The following TMEM39A variants were observed in gnomAD, a reference collection of about 807,000 sequenced individuals.
TMEM39A encodes suppressor of SQST-1 aggregates in rpl-43 mutants.
TMEM39A carries 19 observed loss-of-function variants against 51.9 expected under a neutral mutation model. The observed-to-expected ratio is 0.37, with a 90% CI of 0.26 to 0.54. TMEM39A has a LOEUF of 0.54. TMEM39A is among the 20% of genes least tolerant of loss of function. TMEM39A has a pLI of 0.88. For missense variants in TMEM39A, 433 were observed against 590.5 expected (o/e 0.73, Z 2.76); for synonymous variants, 197 against 220.2 (o/e 0.89, Z 0.93).
chr3:119,459,857 C>T (rs1200420823), intron 2 of TMEM39A, among the ~76,000 whole-genome samples: 2 of 152,092 alleles, frequency 1.3e-5, no homozygotes, highest in African/African-American at 2.4e-5. Context: ...ATCTATTTCC[C>T]TCCAATACTC....
chr3:119,458,243 G>A lies in TMEM39A; in HGVS notation c.114-3C>T. ...GAAGGCCAATAGCACTACCATTCCT[G>A]AAAGAGAAAACTATGGTTAACTCAA... On this transcript the variant is annotated splice_polypyrimidine_tract_variant and splice_region_variant and intron_variant, in intron 2 of 8. Coordinates refer to ENST00000319172, the MANE Select transcript of TMEM39A (RefSeq NM_018266.3). The A allele has an allele frequency of 6.2e-7, 1 of 1,613,370 alleles. No individual in the cohort carries two copies. The highest frequency in any genetic ancestry group is 1.1e-5 in the South Asian group (1 of 91,006).
rs1356504797 is a variant in TMEM39A, at chr3:119,429,565, C to T, written c.*2416G>A. The stretch of plus-strand genomic sequence containing the variant: ...ACTATCAGTGAGCAAATATAGTGTC[C>T]CTTCTGTTACATGAACTATAATAGG... On this transcript the variant is annotated 3_prime_UTR_variant, in exon 9 of 9. Transcript: ENST00000319172. 2 of 152,018 alleles carry T rather than the reference C, an allele frequency of 1.3e-5. No individual in the cohort carries two copies. Among genetic ancestry groups the T allele is most frequent in the Admixed American group, 6.6e-5 (1 of 15,244 alleles). The allele number at this position is 152,018 out of a possible 1,614,324, so 9.4% of individuals were successfully genotyped here.
chr3:119,442,728 C>T (rs9860775), intron 5 of TMEM39A, among the ~76,000 whole-genome samples: 7,594 of 152,054 alleles, frequency 0.05, 237 homozygotes, highest in Non-Finnish European at 0.067. Context: ...AGAAAGTAAC[C>T]GCAAATGTGG....
rs1043064701 is a variant in TMEM39A at position 119,437,905 on chromosome 3, G to A, written c.774C>T (p.Ile258=). 6.2e-7 allele frequency: 1 copy of A among 1,613,706 alleles called. No homozygotes were observed. Among genetic ancestry groups the A allele is most frequent in the Non-Finnish European group, 8.5e-7 (1 of 1,179,772 alleles). ...GAGATAGGGGACAACTGTGGGTGGG[G>A]ATGGGTGTGGCATTATTAAACTGTT... ...LKEQFNNATP[I]PTHSCPLSPD... Residue 258 remains isoleucine (I), a synonymous_variant, in exon 6 of 9, where the codon ATC becomes ATT. Coordinates refer to ENST00000319172, the MANE Select transcript of TMEM39A (RefSeq NM_018266.3).
At chr3:119,435,059 C>CT (rs2080950419) in intron 7 of TMEM39A, 177 bp from the exon 8 acceptor site, 13 of 972,320 alleles carry the variant, frequency 1.3e-5, no homozygotes, top group Non-Finnish European at 1.6e-5. Context: ...GGATTTGTTA[C>CT]TTTAACTTCA....
At chr3:119,449,597 G>A (rs1342839782) in intron 4 of TMEM39A, among the ~76,000 whole-genome samples, 1 of 152,024 alleles carries the variant, frequency 6.6e-6, no homozygotes, top group Non-Finnish European at 1.5e-5. Context: ...TTTACAGCCT[G>A]GGCGACAAGA....
rs199707795 is a variant in TMEM39A, at chr3:119,437,982, C to G, written c.697G>C (p.Gly233Arg). ...AGAAAGTCTTTGGATTTGGCCAAGC[C>G]TCCCACAGTCGAGGCACTTTCCTCT... ...AVEESASTVG[G>R]LAKSKDFLSL... is the part of the protein sequence containing the mutation. Residue 233 changes from glycine (G) to arginine (R), a missense_variant, in exon 6 of 9, where the codon GGC becomes CGC. Transcript: ENST00000319172. The G allele has an allele frequency of 1.9e-6, 3 of 1,614,004 alleles. No homozygotes were observed.
chr3:119,443,040 T>C (rs947154239), intron 5 of TMEM39A, among the ~76,000 whole-genome samples: 4 of 122,606 alleles, frequency 3.3e-5, no homozygotes, highest in Non-Finnish European at 6.4e-5. Flanking sequence ...CACTCCAACC[T>C]GGGCGACAGT....
chr3:119,437,153 G>C (rs765874883), intron 6 of TMEM39A, among the ~76,000 whole-genome samples, 175 bp from the exon 7 acceptor site: 1 of 152,134 alleles, frequency 6.6e-6, no homozygotes, highest in Admixed American at 6.5e-5. Context: ...CCTTCAACCT[G>C]ACTTTCTGGC....
chr3:119,451,216 TTTTGGTTAAC>T, intron 4 of TMEM39A: 14 of 1,272,994 alleles, frequency 1.1e-5, no homozygotes, highest in Non-Finnish European at 1.4e-5. Context: ...TACCTGTGCT[TTTTGGTTAAC>T]TTCAAATGGT....
intron 8 of TMEM39A, 34 bp from the exon 9 acceptor site, chr3:119,432,248 C>A: frequency 6.8e-7 from 1 of 1,464,894 alleles, no homozygotes; most frequent in South Asian, 1.2e-5. Flanking sequence ...AACATTATTT[C>A]ATAGAAAAGT....
chr3:119,437,697 A>T, intron 6 of TMEM39A, 58 bp downstream of exon 6: 7 of 1,339,962 alleles, frequency 5.2e-6, no homozygotes, highest in Non-Finnish European at 7.2e-6. Context: ...AGAAATACCC[A>T]GTTTATGTAA....
chr3:119,429,463 T>G lies in TMEM39A; in HGVS notation c.*2518A>C, dbSNP rs1026078757. On this transcript the variant is annotated 3_prime_UTR_variant, in exon 9 of 9. Coordinates refer to ENST00000319172, the MANE Select transcript of TMEM39A (RefSeq NM_018266.3). ...ACCCAACTGAACTTTTGCTATACCATGCTTTCCACAAACAATTTTAACTTG... is the reference window on the plus strand; with the variant it reads ...ACCCAACTGAACTTTTGCTATACCAGGCTTTCCACAAACAATTTTAACTTG... 3.3e-5 allele frequency: 5 copies of G among 152,096 alleles called. No individual in the cohort carries two copies. The highest frequency in any genetic ancestry group is 7.4e-5 in the Non-Finnish European group (5 of 67,982). The allele number at this position is 152,096 out of a possible 1,614,324, so 9.4% of individuals were successfully genotyped here.
chr3:119,430,350 C>T lies in TMEM39A; in HGVS notation c.*1631G>A, dbSNP rs758676337. On this transcript the variant is annotated 3_prime_UTR_variant, in exon 9 of 9. Transcript: ENST00000319172. ...CCTTCTAGCAGTGCTATTCTTACCA[C>T]TATTTCCTTGTCCTGATTTCCCTTT... 7.2e-5 allele frequency: 11 copies of T among 152,106 alleles called. No homozygotes were observed. Among genetic ancestry groups the T allele is most frequent in the Non-Finnish European group, 1.5e-4 (10 of 67,980 alleles). 9.4% of individuals were successfully genotyped at this position (152,106 alleles called of 1,614,324 possible). A position where few individuals can be genotyped will look rare whatever the true frequency, so the allele number is the denominator to read the frequency against.
At chr3:119,446,458 G>A (rs2081126216) in intron 5 of TMEM39A, among the ~76,000 whole-genome samples, 1 of 152,196 alleles carries the variant, frequency 6.6e-6, no homozygotes, top group African/African-American at 2.4e-5. Flanking sequence ...ATGGGATGGC[G>A]AGAAATTTCA....
rs771039013 is a variant in TMEM39A, at chr3:119,437,791, G to A, written c.888C>T (p.Ala296=). ...KEVLFNSLFS[A]YYVAFLPLCF... ...ACAGGGGGAGAAATGCAACATAGTA[G>A]GCACTGAAGAGGGAGTTGAAGAGAA... Residue 296 remains alanine (A), a synonymous_variant, in exon 6 of 9, where the codon GCC becomes GCT. Transcript: ENST00000319172. 10 of 1,580,852 alleles carry A rather than the reference G, an allele frequency of 6.3e-6. No individual in the cohort carries two copies. In the African/African-American group the frequency reaches 9.4e-5, roughly 15 times the overall value.
chr3:119,437,919 T>C lies in TMEM39A; in HGVS notation c.760A>G (p.Asn254Asp). 6.2e-7 allele frequency: 1 copy of C among 1,614,064 alleles called. No homozygotes were observed. Among genetic ancestry groups the C allele is most frequent in the Non-Finnish European group, 8.5e-7 (1 of 1,179,994 alleles). Residue 254 changes from asparagine to aspartate, a missense_variant, in exon 6 of 9, where the codon AAT (asparagine) becomes GAT (aspartate). Around this residue, in one of 3 missense-constraint regions of TMEM39A, gnomAD observed 223 missense variants for 328.1 expected, o/e 0.68. Coordinates refer to ENST00000319172, the MANE Select transcript of TMEM39A (RefSeq NM_018266.3). ...CTGTGGGTGGGGATGGGTGTGGCAT[T>C]ATTAAACTGTTCTTTTAGCGACTCC... ...LLESLKEQFN[N>D]ATPIPTHSCP...
intron 5 of TMEM39A, among the ~76,000 whole-genome samples, chr3:119,445,606 G>C (rs550044661): frequency 1.3e-5 from 2 of 152,176 alleles, no homozygotes; most frequent in Non-Finnish European, 2.9e-5. Flanking sequence ...AGAAAAAAAA[G>C]CTGTCAACAA....
In TMEM39A at chr3:119,438,084, G is replaced by T; in HGVS notation, c.595C>A (p.Leu199Ile). The change falls in exon 6 of 9, where the codon CTT becomes ATT. Residue 199 changes from leucine (L) to isoleucine (I), a missense_variant. By Grantham distance (5) the Leu-to-Ile change is conservative (BLOSUM62 2). This residue lies in a region of TMEM39A where 40 missense variants were observed against 22.6 expected (regional missense o/e 1.77). Coordinates refer to ENST00000319172, the MANE Select transcript of TMEM39A (RefSeq NM_018266.3). ...CTACTATCTTGATGAAAACAGCAAA[G>T]AGGAACATAAACACCAAACCTGTAA... ...LGYPFGVYVP[L>I]CCFHQDSRAH... 1.9e-6 allele frequency: 3 copies of T among 1,589,538 alleles called. No individual in the cohort carries two copies. Among genetic ancestry groups the T allele is most frequent in the Non-Finnish European group, 2.6e-6 (3 of 1,159,898 alleles).
Sources: gnomAD v4.1 joint callset for allele counts (sites outside exome capture counted in the v4.1 genomes callset) on GRCh38, gnomAD v4.1.1 for gene constraint, gnomAD v4.1.1 regional missense constraint, MANE v1.5 for transcripts, NCBI Gene and HGNC (gene_info 2026-07-23, HGNC 2026-07-21) for gene names.